LIMCH1: variants seen among roughly 807,000 people sequenced by gnomAD.
LIMCH1 encodes LIM and calponin homology domains-containing protein 1.
A neutral mutation model predicts 176.5 loss-of-function variants in LIMCH1; 113 were observed. The ratio of observed to expected loss-of-function variants is 0.64; its 90% confidence interval spans 0.55 to 0.75. The LOEUF is 0.75. LIMCH1 is among the 30% of genes least tolerant of loss of function. The pLI is 0.00. For synonymous variants in LIMCH1, 619 were observed against 645.9 expected (o/e 0.96, Z 0.63); for missense variants, 1,674 against 1,814.9 (o/e 0.92, Z 1.41).
intron 14 of LIMCH1, among the ~76,000 whole-genome samples, chr4:41,641,461 TAA>T (rs35128364): frequency 4.0e-5 from 6 of 148,690 alleles, no homozygotes; most frequent in African/African-American, 4.9e-5. Context: ...TGATATTTCT[TAA>T]AAAAAAAAAA....
In LIMCH1 at chr4:41,662,890, GC is replaced by G; in HGVS notation, c.3202del (p.Gln1068SerfsTer2). 6.2e-7 allele frequency: 1 copy of G among 1,613,962 alleles called. No individual in the cohort carries two copies. The highest frequency in any genetic ancestry group is 1.1e-5 in the South Asian group (1 of 91,070). On this transcript the variant is annotated frameshift_variant, in exon 20 of 32. Transcript: ENST00000503057. LOFTEE classifies it high-confidence loss of function. ...PTVAFVEFPS[S>X]PQLKNDVSEE... ...GTGGCCTTTGTGGAATTTCCCTCCA[GC>G]CCCCAGCTGAAGAATGATGTGTCGG...
chr4:41,619,834 A>C (rs1164488612), intron 6 of LIMCH1: 1 of 223,928 alleles, frequency 4.5e-6, no homozygotes, highest in Non-Finnish European at 8.9e-6. Flanking sequence ...CTCTAGGCTT[A>C]AATTAACTTG....
At chr4:41,570,653 A>G (rs966836193) in intron 1 of LIMCH1, among the ~76,000 whole-genome samples, 36 of 152,196 alleles carry the variant, frequency 2.4e-4, no homozygotes, top group African/African-American at 8.2e-4. Flanking sequence ...TGTGGCAAAG[A>G]AATGTTTAGT....
At chr4:41,673,631 A>G (rs541373912) in intron 22 of LIMCH1, among the ~76,000 whole-genome samples, 2 of 152,274 alleles carry the variant, frequency 1.3e-5, no homozygotes, top group South Asian at 2.1e-4. Flanking sequence ...CCTCGGGACT[A>G]TGAAAGAAAG....
At chr4:41,625,502 C>T (rs2092888089) in intron 7 of LIMCH1, among the ~76,000 whole-genome samples, 1 of 152,182 alleles carries the variant, frequency 6.6e-6, no homozygotes, top group African/African-American at 2.4e-5. Context: ...CGTGAATCTG[C>T]CTTGAAGCTC....
intron 4 of LIMCH1, chr4:41,613,248 C>G (rs1180586051): frequency 1.1e-6 from 1 of 874,286 alleles, no homozygotes; most frequent in African/African-American, 1.7e-5. Context: ...TTAAAAAAAA[C>G]GTTGTGCATG....
intron 4 of LIMCH1, among the ~76,000 whole-genome samples, chr4:41,606,616 G>A (rs2090746777): frequency 6.6e-6 from 1 of 152,086 alleles, no homozygotes; most frequent in Non-Finnish European, 1.5e-5. Flanking sequence ...CCTAAGGTAG[G>A]GATTTGTCAA....
chr4:41,524,464 C>G, exon 3 of LIMCH1: 1 of 1,613,040 alleles, frequency 6.2e-7, no homozygotes, highest in Admixed American at 1.7e-5. Context: ...ATTGCCTACC[C>G]CCATTGCAGG....
chr4:41,578,891 C>G (rs2084937415), intron 1 of LIMCH1, among the ~76,000 whole-genome samples: 1 of 151,998 alleles, frequency 6.6e-6, no homozygotes, highest in African/African-American at 2.4e-5. Context: ...TTTATAGAGA[C>G]AGGGTCTCAC....
intron 17 of LIMCH1, among the ~76,000 whole-genome samples, chr4:41,647,630 C>T (rs1312702733): frequency 6.6e-6 from 1 of 152,174 alleles, no homozygotes; most frequent in Non-Finnish European, 1.5e-5. Flanking sequence ...AATCAGTTCC[C>T]CTTGTCCTTG....
At chr4:41,680,783 C>A (rs1715044585) in intron 24 of LIMCH1, among the ~76,000 whole-genome samples, 172 bp from the exon 25 acceptor site, 1 of 152,012 alleles carries the variant, frequency 6.6e-6, no homozygotes, top group African/African-American at 2.4e-5. Flanking sequence ...AAATTATTAC[C>A]CATGGAGAGT....
chr4:41,400,444 A>G (rs1347171567), intron 1 of LIMCH1, among the ~76,000 whole-genome samples: 1 of 152,212 alleles, frequency 6.6e-6, no homozygotes, highest in Non-Finnish European at 1.5e-5. Flanking sequence ...GGACTCTGTC[A>G]TAAGTAATGC....
chr4:41,494,677 A>T (rs1452333132), intron 2 of LIMCH1: 12 of 969,976 alleles, frequency 1.2e-5, no homozygotes, highest in Non-Finnish European at 1.9e-5. Flanking sequence ...TGGCTGTAAG[A>T]CTTCTAGTGT....
intron 1 of LIMCH1, among the ~76,000 whole-genome samples, chr4:41,576,857 TATGGAGGAGG>T (rs2152654283): frequency 6.6e-6 from 1 of 152,098 alleles, no homozygotes; most frequent in South Asian, 2.1e-4. Flanking sequence ...AATATTAAAA[TATGGAGGAGG>T]ATGTGGAATA....
intron 1 of LIMCH1, among the ~76,000 whole-genome samples, chr4:41,589,451 A>T (rs541645024): frequency 6.6e-6 from 1 of 152,234 alleles, no homozygotes; most frequent in East Asian, 1.9e-4. Flanking sequence ...ACTTGTAAGG[A>T]CATAGGCTTT....
intron 1 of LIMCH1, chr4:41,473,272 C>A: frequency 1.3e-6 from 1 of 778,560 alleles, no homozygotes; most frequent in Non-Finnish European, 1.6e-6. Flanking sequence ...TCATTTTGTG[C>A]AATGGTACAT....
At chr4:41,587,567 C>T (rs4557299) in intron 1 of LIMCH1, among the ~76,000 whole-genome samples, 2 of 151,932 alleles carry the variant, frequency 1.3e-5, no homozygotes, top group Non-Finnish European at 2.9e-5. Flanking sequence ...AGTCCAGGGC[C>T]CCAGTACCTG....
At position 41,479,826 on chromosome 4, in the gene LIMCH1, T is replaced by C. The variant is rs184035303; in HGVS notation, c.97-14710T>C. Reference sequence around the variant, plus strand: ...GATTTGCATAACTGTTTCTTCATAGTCTCATTTAACCCAGATAATGTGTAT... The same window carrying C: ...GATTTGCATAACTGTTTCTTCATAGCCTCATTTAACCCAGATAATGTGTAT... On this transcript the variant is annotated intron_variant, in intron 1 of 26. Transcript: ENST00000313860. Among the ~76,000 whole-genome samples, 4 of 152,316 alleles carry C rather than the reference T, an allele frequency of 2.6e-5. No homozygotes were observed. The East Asian group carries it at 7.7e-4, about 29-fold the overall frequency.
intron 1 of LIMCH1, among the ~76,000 whole-genome samples, chr4:41,368,752 G>A (rs544208763): frequency 6.6e-6 from 1 of 152,288 alleles, no homozygotes; most frequent in Non-Finnish European, 1.5e-5. Flanking sequence ...TGCCTCGGAA[G>A]TTCTTGAATA....
Sources: gnomAD v4.1 joint callset for allele counts (sites outside exome capture counted in the v4.1 genomes callset) on GRCh38, gnomAD v4.1.1 for gene constraint, MANE v1.5 for transcripts, NCBI Gene and HGNC (gene_info 2026-07-23, HGNC 2026-07-21) for gene names.